Variants in DCC observed in about 807,000 individuals in gnomAD.
The protein encoded by DCC is netrin receptor DCC.
In DCC, 58 loss-of-function variants were observed where a neutral mutation model predicts 172.5. The ratio of observed to expected loss-of-function variants is 0.34; its 90% confidence interval spans 0.27 to 0.42. DCC has a LOEUF of 0.42. Ranked by LOEUF, DCC falls within the 10% of genes least tolerant of loss-of-function variation. The pLI, the probability that DCC is intolerant of heterozygous loss-of-function variation, is 1.00. For missense variants in DCC, 1,740 were observed against 1,791.0 expected (o/e 0.97, Z 0.51); for synonymous variants, 709 against 644.5 (o/e 1.10, Z -1.52).
chr18:53,260,866 G>C (rs890601475), intron 12 of DCC, among the ~76,000 whole-genome samples: 1 of 152,228 alleles, frequency 6.6e-6, no homozygotes, highest in East Asian at 1.9e-4. Flanking sequence ...TCGAGCTTCA[G>C]GGCCGCTTTG....
chr18:52,876,819 TA>T (rs761983218), intron 2 of DCC, among the ~76,000 whole-genome samples: 3 of 145,880 alleles, frequency 2.1e-5, no homozygotes, highest in Non-Finnish European at 4.6e-5. Flanking sequence ...ATCTCCCCTT[TA>T]AAATTGCCTC....
intron 1 of DCC, among the ~76,000 whole-genome samples, chr18:52,396,871 C>T (rs144305332): frequency 2.0e-5 from 3 of 152,050 alleles, no homozygotes; most frequent in East Asian, 1.9e-4. Flanking sequence ...TATTGCCCCA[C>T]GAGGCTGTGT....
At chr18:53,473,340 G>A (rs567234632) in intron 25 of DCC, among the ~76,000 whole-genome samples, 50 of 152,206 alleles carry the variant, frequency 3.3e-4, no homozygotes, top group Middle Eastern at 3.4e-3. Context: ...CACAAAATTG[G>A]TGCTTGCTAA....
intron 1 of DCC, among the ~76,000 whole-genome samples, chr18:52,636,937 C>T (rs549755756): frequency 2.0e-5 from 3 of 152,290 alleles, no homozygotes; most frequent in African/African-American, 7.2e-5. Flanking sequence ...GCCACCTCCA[C>T]CGGAACAGGC....
At chr18:53,222,417 C>T (rs538913237) in intron 12 of DCC, among the ~76,000 whole-genome samples, 169 of 132,004 alleles carry the variant, frequency 1.3e-3, no homozygotes, top group African/African-American at 4.7e-3. Context: ...TGGAGTCTTG[C>T]TCTGTCACCC....
chr18:53,067,860 C>T (rs2042596103), intron 7 of DCC, among the ~76,000 whole-genome samples: 1 of 152,134 alleles, frequency 6.6e-6, no homozygotes. Flanking sequence ...GCATATAAGA[C>T]ATAGTCTTTC....
chr18:52,792,188 T>G (rs932486751), intron 2 of DCC, among the ~76,000 whole-genome samples: 1 of 151,602 alleles, frequency 6.6e-6, no homozygotes, highest in Non-Finnish European at 1.5e-5. Context: ...ATGCTCACTG[T>G]GGGGGGTGCG....
chr18:53,207,040 T>C (rs1409908393), intron 10 of DCC, among the ~76,000 whole-genome samples: 2 of 152,164 alleles, frequency 1.3e-5, no homozygotes, highest in South Asian at 2.1e-4. Context: ...TTCTGTTTTA[T>C]CTGCCTTTCT....
At chr18:52,457,200 A>G (rs1988484678) in intron 1 of DCC, among the ~76,000 whole-genome samples, 1 of 152,182 alleles carries the variant, frequency 6.6e-6, no homozygotes, top group South Asian at 2.1e-4. Context: ...GAAAGGCAGA[A>G]GTGGGATAAG....
At chr18:53,098,848 A>G (rs1599132396) in intron 7 of DCC, among the ~76,000 whole-genome samples, 1 of 152,092 alleles carries the variant, frequency 6.6e-6, no homozygotes, top group East Asian at 1.9e-4. Flanking sequence ...TCCCTACAAA[A>G]CGTTTTTAAA....
intron 3 of DCC, among the ~76,000 whole-genome samples, chr18:52,908,824 A>G (rs2145453950): frequency 6.6e-6 from 1 of 152,286 alleles, no homozygotes; most frequent in Middle Eastern, 3.4e-3. Context: ...CATCACATCA[A>G]ATGAGGGTTT....
At chr18:53,080,884 C>T (rs925626124) in intron 7 of DCC, among the ~76,000 whole-genome samples, 3 of 151,912 alleles carry the variant, frequency 2.0e-5, no homozygotes, top group Non-Finnish European at 4.4e-5. Context: ...ATCTTTAGTT[C>T]CTTGATAGGG....
At chr18:53,067,546 A>G (rs1328252689) in intron 7 of DCC, among the ~76,000 whole-genome samples, 1 of 152,134 alleles carries the variant, frequency 6.6e-6, no homozygotes, top group Non-Finnish European at 1.5e-5. Flanking sequence ...AACAAAAACT[A>G]GAATAAATTG....
intron 1 of DCC, among the ~76,000 whole-genome samples, chr18:52,413,629 A>T (rs971592230): frequency 5.3e-5 from 8 of 152,028 alleles, no homozygotes; most frequent in Non-Finnish European, 1.0e-4. Context: ...AACATGTTAC[A>T]TATTTTTATT....
chr18:52,486,076 C>A (rs1417259108), intron 1 of DCC, among the ~76,000 whole-genome samples: 1 of 152,078 alleles, frequency 6.6e-6, no homozygotes, highest in East Asian at 1.9e-4. Flanking sequence ...CTCACTGTAA[C>A]CTTGAATTCC....
In DCC at chr18:53,339,852, C is replaced by T. The variant is rs141228869; in HGVS notation, c.2304C>T (p.Tyr768=). ...TCGGTTATGGCGTTGGGAGCCCTTA[C>T]GCTGAGACAGTGCGTGTGGACAGCA... ...YIIGYGVGSP[Y]AETVRVDSKQ... Residue 768 remains tyrosine, a synonymous_variant, in exon 15 of 29, where the codon TAC becomes TAT. Coordinates refer to ENST00000442544, the MANE Select transcript of DCC (RefSeq NM_005215.4). 131 of 1,613,924 alleles carry T rather than the reference C, an allele frequency of 8.1e-5. No homozygotes were observed. The highest frequency in any genetic ancestry group is 8.0e-4 in the East Asian group (36 of 44,864).
chr18:53,123,389 G>A (rs1362721070), intron 7 of DCC, among the ~76,000 whole-genome samples: 1 of 152,012 alleles, frequency 6.6e-6, no homozygotes, highest in Admixed American at 6.6e-5. Context: ...TGAAGGATGG[G>A]TTTTGGGGCT....
chr18:52,951,399 C>A (rs992657037), intron 5 of DCC, among the ~76,000 whole-genome samples: 2 of 152,132 alleles, frequency 1.3e-5, no homozygotes, highest in East Asian at 3.9e-4. Context: ...GCCCTGCATG[C>A]ATTAGATATT....
chr18:52,812,868 G>A (rs1194219044), intron 2 of DCC, among the ~76,000 whole-genome samples: 2 of 152,140 alleles, frequency 1.3e-5, no homozygotes, highest in Admixed American at 1.3e-4. Context: ...ATCAGGCTGG[G>A]AACTTACGCC....
Sources: gnomAD v4.1 joint callset for allele counts (sites outside exome capture counted in the v4.1 genomes callset) on GRCh38, gnomAD v4.1.1 for gene constraint, MANE v1.5 for transcripts, NCBI Gene and HGNC (gene_info 2026-07-23, HGNC 2026-07-21) for gene names.